The following SNRPB2 variants were observed in gnomAD, a reference collection of about 807,000 sequenced individuals.
The protein encoded by SNRPB2 is small nuclear ribonucleoprotein polypeptide B2.
A neutral mutation model predicts 26.3 loss-of-function variants in SNRPB2; 16 were observed. That is an observed-to-expected ratio of 0.61 (90% CI 0.41 to 0.92). The LOEUF is 0.92. Ranked by LOEUF, SNRPB2 falls within the 40% of genes least tolerant of loss-of-function variation. The probability of loss-of-function intolerance (pLI) is 0.00; values close to 1 mark genes in which losing one functional copy is unlikely to be tolerated. For missense variants in SNRPB2, 179 were observed against 268.1 expected, an observed-to-expected ratio of 0.67 and a Z score of 2.32; for synonymous variants, 75 against 89.0, an observed-to-expected ratio of 0.84 and a Z score of 0.88.
intron 1 of SNRPB2, chr20:16,730,746 C>A (rs2072384439): frequency 6.6e-6 from 1 of 152,190 alleles, no homozygotes; most frequent in Non-Finnish European, 1.5e-5. Context: ...GTGGGGCACA[C>A]AAGGAAATCA....
intron 3 of SNRPB2, among the ~76,000 whole-genome samples, chr20:16,736,949 A>G (rs931258157): frequency 7.2e-5 from 11 of 152,196 alleles, no homozygotes; most frequent in African/African-American, 2.2e-4. Context: ...TAACACTTCA[A>G]TGCAGTTTTC....
At position 16,742,236 on chromosome 20, in the gene SNRPB2, C is replaced by T. The variant is rs1205645600; in HGVS notation, c.*1231C>T. 2 of 152,146 alleles carry T rather than the reference C, an allele frequency of 1.3e-5. No individual in the cohort carries two copies. The highest frequency in any genetic ancestry group is 4.8e-5 in the African/African-American group (2 of 41,428). 9.4% of individuals were successfully genotyped at this position (152,146 alleles called of 1,614,324 possible). A position where few individuals can be genotyped will look rare whatever the true frequency, so the allele number is the denominator to read the frequency against. ...TAACAGTGAATTACTAGAAAATGGG[C>T]CATGTTCTTGTATATTACAGTGATG... is the stretch of plus-strand genomic sequence containing the variant. On this transcript the variant is annotated 3_prime_UTR_variant, in exon 7 of 7. Transcript: ENST00000246071.
chr20:16,742,108 G>C lies in SNRPB2; in HGVS notation c.*1103G>C, dbSNP rs901912078. The C allele has an allele frequency of 1.3e-5, 2 of 152,078 alleles. No homozygotes were observed. Among genetic ancestry groups the C allele is most frequent in the African/African-American group, 4.8e-5 (2 of 41,428 alleles). 9.4% of individuals were successfully genotyped at this position (152,078 alleles called of 1,614,324 possible). Reference sequence around the variant, plus strand: ...CACATCACTCTTATGCATACATAAAGAGGAAAAAAATGTTTCCTATAACTT... The same window carrying C: ...CACATCACTCTTATGCATACATAAACAGGAAAAAAATGTTTCCTATAACTT... On this transcript the variant is annotated 3_prime_UTR_variant, in exon 7 of 7. Coordinates refer to ENST00000246071, the MANE Select transcript of SNRPB2 (RefSeq NM_003092.5).
intron 2 of SNRPB2, 49 bp from the exon 3 acceptor site, chr20:16,732,115 T>C (rs762066027): frequency 1.7e-6 from 2 of 1,162,862 alleles, no homozygotes; most frequent in South Asian, 1.4e-5. Context: ...ATGAAGACTT[T>C]TGTCATTACT....
At chr20:16,740,472 T>C (rs2072456054) in intron 6 of SNRPB2, 59 bp downstream of exon 6, 2 of 1,592,036 alleles carry the variant, frequency 1.3e-6, no homozygotes, top group Non-Finnish European at 1.7e-6. Flanking sequence ...CAAGTAGTAC[T>C]TCCGTGGGTT....
intron 5 of SNRPB2, 118 bp downstream of exon 5, chr20:16,739,020 CG>C (rs2072446378): frequency 3.0e-6 from 2 of 677,260 alleles, no homozygotes; most frequent in Non-Finnish European, 5.2e-6. Flanking sequence ...AGACACAGTG[CG>C]TTAAATTGTC....
chr20:16,730,563 C>T (rs2072382878), intron 1 of SNRPB2: 1 of 152,170 alleles, frequency 6.6e-6, no homozygotes, highest in Non-Finnish European at 1.5e-5. Flanking sequence ...CTTTGCGACC[C>T]CTGCCCCTTC....
At chr20:16,740,293 C>T in intron 5 of SNRPB2, 32 bp from the exon 6 acceptor site, 1 of 1,605,792 alleles carries the variant, frequency 6.2e-7, no homozygotes, top group African/African-American at 1.3e-5. Context: ...TTTAAACTTA[C>T]AAGCTAACTT....
chr20:16,731,531 G>T, intron 1 of SNRPB2, 137 bp from the exon 2 acceptor site: 1 of 792,906 alleles, frequency 1.3e-6, no homozygotes. Context: ...AGTAGGTGCT[G>T]GAGATACAAT....
In SNRPB2 at chr20:16,741,029, A is replaced by C; in HGVS notation, c.*24A>C. On this transcript the variant is annotated 3_prime_UTR_variant, in exon 7 of 7. Transcript: ENST00000246071. The stretch of plus-strand genomic sequence containing the variant: ...AACATTTGGGATAGTCGTCTTTAAA[A>C]GACTTGGTGTTATTTACAGTGTTTG... 1 of 1,551,562 alleles carries C rather than the reference A, an allele frequency of 6.4e-7. No homozygotes were observed. Among genetic ancestry groups the C allele is most frequent in the Non-Finnish European group, 8.8e-7 (1 of 1,131,444 alleles).
rs559652212 is a variant in SNRPB2 at position 16,742,117 on chromosome 20, A to C, written c.*1112A>C. 2 of 152,196 alleles carry C rather than the reference A, an allele frequency of 1.3e-5. No homozygotes were observed. The highest frequency in any genetic ancestry group is 4.8e-5 in the African/African-American group (2 of 41,456). The allele number at this position is 152,196 out of a possible 1,614,324, so 9.4% of individuals were successfully genotyped here. Reference sequence around the variant, plus strand: ...CTTATGCATACATAAAGAGGAAAAAAATGTTTCCTATAACTTTGTCACAGT... The same window carrying C: ...CTTATGCATACATAAAGAGGAAAAACATGTTTCCTATAACTTTGTCACAGT... On this transcript the variant is annotated 3_prime_UTR_variant, in exon 7 of 7. Coordinates refer to ENST00000246071, the MANE Select transcript of SNRPB2 (RefSeq NM_003092.5).
At chr20:16,735,052 G>C (rs1254179848) in intron 3 of SNRPB2, among the ~76,000 whole-genome samples, 1 of 152,168 alleles carries the variant, frequency 6.6e-6, no homozygotes, top group Non-Finnish European at 1.5e-5. Flanking sequence ...CTGTGGTACG[G>C]CAGCCCAGAC....
chr20:16,736,024 G>A (rs2072424155), intron 3 of SNRPB2, among the ~76,000 whole-genome samples: 1 of 152,170 alleles, frequency 6.6e-6, no homozygotes. Context: ...TGTTCTGTGT[G>A]TGTCTGTTTT....
In SNRPB2 at chr20:16,737,357, A is replaced by G; in HGVS notation, c.334A>G (p.Thr112Ala). 1 of 1,605,010 alleles carries G rather than the reference A, an allele frequency of 6.2e-7. No individual in the cohort carries two copies. Among genetic ancestry groups the G allele is most frequent in the Non-Finnish European group, 8.5e-7 (1 of 1,177,954 alleles). The change falls in exon 4 of 7, where the codon ACT becomes GCT. Residue 112 changes from threonine to alanine, a missense_variant. By Grantham distance (58) the Thr-to-Ala change is moderately conservative (BLOSUM62 0). This residue lies in a region of SNRPB2 where 145 missense variants were observed against 180.7 expected (regional missense o/e 0.80). Coordinates refer to ENST00000246071, the MANE Select transcript of SNRPB2 (RefSeq NM_003092.5). ...GAAAAAAGAAAAGAAAAAAGCCAAA[A>G]CTGTGGAACAGACTGCAACAACCAC... ...EKKKEKKKAK[T>A]VEQTATTTNK...
intron 4 of SNRPB2, among the ~76,000 whole-genome samples, chr20:16,738,488 C>A (rs2072442752): frequency 6.7e-6 from 1 of 149,170 alleles, no homozygotes; most frequent in South Asian, 2.1e-4. Context: ...AAAGTAATTA[C>A]TTCTGGATTG....
intron 3 of SNRPB2, among the ~76,000 whole-genome samples, chr20:16,736,526 G>GT (rs1176889978): frequency 6.6e-6 from 1 of 152,142 alleles, no homozygotes. Flanking sequence ...ATTAAAAATG[G>GT]TTTAAAAGAA....
rs1189473503 is a variant in SNRPB2 at position 16,742,013 on chromosome 20, C to G, written c.*1008C>G. On this transcript the variant is annotated 3_prime_UTR_variant, in exon 7 of 7. Coordinates refer to ENST00000246071, the MANE Select transcript of SNRPB2 (RefSeq NM_003092.5). ...TGTTCCTGTTTTAGTATTCCTTGAA[C>G]AAAACCTTTATCACTTGGAATTTTT... The G allele has an allele frequency of 6.6e-6, 1 of 152,104 alleles. No individual in the cohort carries two copies. The highest frequency in any genetic ancestry group is 1.5e-5 in the Non-Finnish European group (1 of 68,010). 9.4% of individuals were successfully genotyped at this position (152,104 alleles called of 1,614,324 possible).
chr20:16,734,280 T>C (rs1037790255), intron 3 of SNRPB2, among the ~76,000 whole-genome samples: 1 of 152,188 alleles, frequency 6.6e-6, no homozygotes, highest in African/African-American at 2.4e-5. Flanking sequence ...CTGCCAAATC[T>C]CCATCTTAGA....
intron 5 of SNRPB2, 106 bp downstream of exon 5, chr20:16,739,008 C>T (rs2072446299): frequency 4.0e-6 from 3 of 746,384 alleles, no homozygotes; most frequent in African/African-American, 1.7e-5. Context: ...ATTTCATCTA[C>T]AAGACACAGT....
Sources: allele counts gnomAD v4.1 joint callset (sites outside exome capture counted in the v4.1 genomes callset), GRCh38; gene constraint gnomAD v4.1.1; regional missense constraint gnomAD v4.1.1; transcripts MANE v1.5; gene names NCBI Gene and HGNC (gene_info 2026-07-23, HGNC 2026-07-21).